The following RHEBL1 variants were observed in gnomAD, a reference collection of about 807,000 sequenced individuals.
RHEBL1 encodes the protein GTPase RhebL1.
In RHEBL1, 22 loss-of-function variants were observed where a neutral mutation model predicts 27.4. The ratio of observed to expected loss-of-function variants is 0.80; its 90% CI spans 0.57 to 1.15. The LOEUF (loss-of-function observed/expected upper bound fraction) is 1.15, where lower values mean the gene tolerates loss of function less well. Among genes scored for constraint, RHEBL1 ranks in the 50% most tolerant of loss-of-function variants. The pLI is 0.00. For missense variants in RHEBL1, 186 were observed against 226.5 expected, an observed-to-expected ratio of 0.82 and a Z score of 1.15; for synonymous variants, 85 against 80.8, an observed-to-expected ratio of 1.05 and a Z score of -0.28.
rs1317475380 is a variant in RHEBL1 at position 49,068,981 on chromosome 12, T to G, written c.124+54A>C. 1.0e-5 allele frequency: 16 copies of G among 1,554,160 alleles called. No individual in the cohort carries two copies. In the Admixed American group the frequency reaches 3.0e-4, roughly 29 times the overall value. ...ATAAATTATGGAGTTGGGTGGGGTA[T>G]CCAAGCCCTCCGGGTCGCATACCAC... On this transcript the variant is annotated intron_variant, in intron 2 of 7. Transcript: ENST00000301068.
At position 49,065,102 on chromosome 12, in the gene RHEBL1, C is replaced by T. The variant is rs1249947488; in HGVS notation, c.*1G>A. ...AAGGCAGTTACCCCACACCCAAGGG[C>T]TCACATGAGATGGCAGCGACGCTCT... On this transcript the variant is annotated 3_prime_UTR_variant, in exon 8 of 8. Coordinates refer to ENST00000301068, the MANE Select transcript of RHEBL1 (RefSeq NM_144593.3). The T allele has an allele frequency of 2.5e-6, 4 of 1,611,174 alleles. No homozygotes were observed. The highest frequency in any genetic ancestry group is 4.5e-5 in the East Asian group (2 of 44,876).
intron 6 of RHEBL1, 126 bp downstream of exon 6, chr12:49,066,105 C>A: frequency 1.4e-6 from 1 of 728,144 alleles, no homozygotes; most frequent in Non-Finnish European, 2.4e-6. Flanking sequence ...CTTCCTTAAG[C>A]TTCAGGTTAG....
At chr12:49,065,273 A>G in intron 7 of RHEBL1, 77 bp downstream of exon 7, 5 of 1,560,126 alleles carry the variant, frequency 3.2e-6, no homozygotes, top group Admixed American at 3.3e-5. Context: ...CCATTCCCGC[A>G]ACATTCCCAC....
At position 49,064,977 on chromosome 12, in the gene RHEBL1, ACT is replaced by A; in HGVS notation, c.*124_*125del. On this transcript the variant is annotated 3_prime_UTR_variant, in exon 8 of 8. Transcript: ENST00000301068. Reference sequence around the variant, plus strand: ...AAGTGTGCAAACATGAGGATGCCACACTGTGTGTCCAGGGGCCAGGAACACAG... The same window carrying A: ...AAGTGTGCAAACATGAGGATGCCACAGTGTGTCCAGGGGCCAGGAACACAG... The A allele has an allele frequency of 1.4e-6, 1 of 700,658 alleles. No individual in the cohort carries two copies. The highest frequency in any genetic ancestry group is 2.6e-5 in the East Asian group (1 of 38,568). The allele number at this position is 700,658 out of a possible 1,614,324, so 43.4% of individuals were successfully genotyped here. A position where few individuals can be genotyped will look rare whatever the true frequency, so the allele number is the denominator to read the frequency against.
chr12:49,065,127 T>A lies in RHEBL1; in HGVS notation c.528A>T (p.Gln176His). 6.2e-7 allele frequency: 1 copy of A among 1,613,906 alleles called. No homozygotes were observed. Among genetic ancestry groups the A allele is most frequent in the Non-Finnish European group, 8.5e-7 (1 of 1,179,746 alleles). The change falls in exon 8 of 8, where the codon CAA becomes CAT. Residue 176 changes from glutamine (Q) to histidine (H), a missense_variant. Around this residue, in one of 3 missense-constraint regions of RHEBL1, gnomAD observed 90 missense variants for 95.2 expected, o/e 0.95. Transcript: ENST00000301068. ...CTCACATGAGATGGCAGCGACGCTC[T>A]TGCCCATAGGAATTCTCCACACGGG... ...EIARVENSYG[Q>H]ERRCHLM is the part of the protein sequence containing the mutation.
At chr12:49,065,714 A>G (rs1273033346) in intron 6 of RHEBL1, among the ~76,000 whole-genome samples, 1 of 152,118 alleles carries the variant, frequency 6.6e-6, no homozygotes, top group African/African-American at 2.4e-5. Context: ...TCACAAGGTC[A>G]GGAGATCGAG....
chr12:49,067,099 CTTTTTT>C (rs10715716), intron 2 of RHEBL1, 64 bp from the exon 3 acceptor site: 177 of 587,240 alleles, frequency 3.0e-4, no homozygotes, highest in Admixed American at 6.1e-4. Flanking sequence ...TGTCCCCTGA[CTTTTTT>C]TTTTTTTTTT....
chr12:49,068,183 G>A (rs950652128), intron 2 of RHEBL1, among the ~76,000 whole-genome samples: 7 of 149,948 alleles, frequency 4.7e-5, no homozygotes, highest in Admixed American at 6.7e-5. Flanking sequence ...AGGCTAGAGC[G>A]CAGTGGCACG....
In RHEBL1 at chr12:49,065,114, G is replaced by T. The variant is rs1367765325; in HGVS notation, c.541C>A (p.His181Asn). 1 of 1,613,204 alleles carries T rather than the reference G, an allele frequency of 6.2e-7. No individual in the cohort carries two copies. Residue 181 changes from histidine (H) to asparagine (N), a missense_variant, in exon 8 of 8, where the codon CAT becomes AAT. By Grantham distance (68) the His-to-Asn change is moderately conservative. Around this residue, in one of 3 missense-constraint regions of RHEBL1, gnomAD observed 90 missense variants for 95.2 expected, o/e 0.95. Transcript: ENST00000301068. ...CCACACCCAAGGGCTCACATGAGAT[G>T]GCAGCGACGCTCTTGCCCATAGGAA... ...ENSYGQERRCHLM is the reference protein window; with the variant it reads ...ENSYGQERRCNLM
chr12:49,066,268 C>G lies in RHEBL1; in HGVS notation c.343G>C (p.Val115Leu), dbSNP rs1938995444. The change falls in exon 6 of 8, where the codon GTT becomes CTT. Residue 115 changes from valine to leucine, a missense_variant. Around this residue, in one of 3 missense-constraint regions of RHEBL1, gnomAD observed 90 missense variants for 95.2 expected, o/e 0.95. Coordinates refer to ENST00000301068, the MANE Select transcript of RHEBL1 (RefSeq NM_144593.3). ...EGHGKTRVPV[V>L]LVGNKADLSP... ...AGATCTGCCTTGTTCCCCACTAGAA[C>G]CACTGGCACCCTGTGAGGAAACAGC... is the stretch of plus-strand genomic sequence containing the variant. 4 of 1,613,966 alleles carry G rather than the reference C, an allele frequency of 2.5e-6. No homozygotes were observed. In the East Asian group the frequency reaches 6.7e-5, roughly 27 times the overall value.
chr12:49,068,429 C>CTTTTTTTT (rs56316449), intron 2 of RHEBL1, among the ~76,000 whole-genome samples: 2 of 99,656 alleles, frequency 2.0e-5, no homozygotes, highest in Non-Finnish European at 3.9e-5. Context: ...CGGTGCCCAG[C>CTTTTTTTT]TTTTTTTTTT....
At position 49,066,514 on chromosome 12, in the gene RHEBL1, ACT is replaced by A. The variant is rs1189573362; in HGVS notation, c.292_293del (p.Leu99ValfsTer6). ...TSLHSFQVIE[S>X]LYQKLHEGHG... ...GGCCTTCATGTAGCTTTTGGTACAG[ACT>A]CTCAATGACTTGGAAGCTTTAAACA... On this transcript the variant is annotated frameshift_variant, in exon 5 of 8. Coordinates refer to ENST00000301068, the MANE Select transcript of RHEBL1 (RefSeq NM_144593.3). LOFTEE classifies it high-confidence loss of function. The A allele has an allele frequency of 4.3e-6, 7 of 1,613,768 alleles. No homozygotes were observed. The East Asian group carries it at 1.6e-4, about 36-fold the overall frequency.
Position 49,065,166 on chromosome 12 carries a change from G to A in RHEBL1, c.489C>T (p.Val163=), listed in dbSNP as rs1160577594. ...NQLTQGIFTK[V]IQEIARVENS... ...TCTCCACACGGGCAATCTCCTGGAT[G>A]ACTTTGGTGAAGATGCCTTGAGTCA... Residue 163 remains valine (V), a synonymous_variant, in exon 8 of 8, where the codon GTC becomes GTT. Coordinates refer to ENST00000301068, the MANE Select transcript of RHEBL1 (RefSeq NM_144593.3). 1 of 1,613,974 alleles carries A rather than the reference G, an allele frequency of 6.2e-7. No homozygotes were observed. The highest frequency in any genetic ancestry group is 2.2e-5 in the East Asian group (1 of 44,896).
At position 49,069,250 on chromosome 12, in the gene RHEBL1, G is replaced by A. The variant is rs1939047945; in HGVS notation, c.53-144C>T. ...TGCCTCAAGCAATGCTATCCTTTGT[G>A]TCTACCCTCACCCTCTTTTCACCCA... On this transcript the variant is annotated intron_variant, in intron 1 of 7. Coordinates refer to ENST00000301068, the MANE Select transcript of RHEBL1 (RefSeq NM_144593.3). 4.3e-6 allele frequency: 6 copies of A among 1,397,674 alleles called. No homozygotes were observed. In the South Asian group the frequency reaches 7.9e-5, roughly 18 times the overall value. The allele number at this position is 1,397,674 out of a possible 1,614,324, so 86.6% of individuals were successfully genotyped here. A position where few individuals can be genotyped will look rare whatever the true frequency, so the allele number is the denominator to read the frequency against.
intron 1 of RHEBL1, 135 bp downstream of exon 1, chr12:49,069,599 C>T: frequency 1.3e-6 from 1 of 785,452 alleles, no homozygotes; most frequent in Non-Finnish European, 2.2e-6. Flanking sequence ...TCCATTCCTC[C>T]ACTCTTCCAA....
chr12:49,069,716 T>C lies in RHEBL1; in HGVS notation c.52+18A>G. On this transcript the variant is annotated intron_variant, in intron 1 of 7. Coordinates refer to ENST00000301068, the MANE Select transcript of RHEBL1 (RefSeq NM_144593.3). ...ACAAAGCTGCTGCGCGTCCGAGCTC[T>C]GCAGGGCGGAGACTCACCTACACAG... The C allele has an allele frequency of 6.2e-7, 1 of 1,612,858 alleles. No individual in the cohort carries two copies. The highest frequency in any genetic ancestry group is 1.1e-5 in the South Asian group (1 of 91,056).
intron 2 of RHEBL1, 98 bp from the exon 3 acceptor site, chr12:49,067,133 C>T: frequency 1.3e-6 from 1 of 761,666 alleles, no homozygotes; most frequent in East Asian, 2.7e-5. Flanking sequence ...ACAAGAGTCT[C>T]ACTCTATTGT....
chr12:49,067,809 T>G (rs1939021908), intron 2 of RHEBL1, among the ~76,000 whole-genome samples: 1 of 152,156 alleles, frequency 6.6e-6, no homozygotes, highest in African/African-American at 2.4e-5. Flanking sequence ...TAATTACTTT[T>G]GTTTTATTGA....
chr12:49,069,903 G>A lies in RHEBL1; in HGVS notation c.-118C>T. ...GAAAGTCGCTCACCCCGAAGCTGCC[G>A]TGGGCAAGTTAGAAGGAAACCAAAA... On this transcript the variant is annotated 5_prime_UTR_variant, in exon 1 of 8. The change creates a new upstream start codon in the 5' untranslated region. Transcript: ENST00000301068. 1 of 845,122 alleles carries A rather than the reference G, an allele frequency of 1.2e-6. No homozygotes were observed. Among genetic ancestry groups the A allele is most frequent in the Non-Finnish European group, 2.0e-6 (1 of 511,858 alleles). The allele number at this position is 845,122 out of a possible 1,614,324, so 52.4% of individuals were successfully genotyped here.
Sources: allele counts gnomAD v4.1 joint callset (sites outside exome capture counted in the v4.1 genomes callset), GRCh38; gene constraint gnomAD v4.1.1; regional missense constraint gnomAD v4.1.1; transcripts MANE v1.5; gene names NCBI Gene and HGNC (gene_info 2026-07-23, HGNC 2026-07-21).